ABHD2: variants seen among roughly 807,000 people sequenced by gnomAD.
The protein encoded by ABHD2 is abhydrolase domain containing 2, acylglycerol lipase, also known as monoacylglycerol lipase ABHD2.
ABHD2 carries 20 observed loss-of-function variants against 48.1 expected under a neutral mutation model. That is an observed-to-expected ratio of 0.42 (90% CI 0.29 to 0.60). The LOEUF (loss-of-function observed/expected upper bound fraction) is 0.60, where lower values mean the gene tolerates loss of function less well. Among genes scored for constraint, ABHD2 ranks in the 20% least tolerant of loss-of-function variants. ABHD2 has a pLI of 0.24. For synonymous variants in ABHD2, 209 were observed against 214.2 expected, an observed-to-expected ratio of 0.98 and a Z score of 0.21; for missense variants, 405 against 550.9, an observed-to-expected ratio of 0.74 and a Z score of 2.65.
Position 89,189,491 on chromosome 15 carries a change from C to G in ABHD2, c.926+1188C>G, listed in dbSNP as rs1171666088. 1.3e-5 allele frequency among the ~76,000 whole-genome samples: 2 copies of G among 152,202 alleles called. No homozygotes were observed. Among genetic ancestry groups the G allele is most frequent in the East Asian group, 1.9e-4 (1 of 5,200 alleles). On this transcript the variant is annotated intron_variant, in intron 8 of 10. Coordinates refer to ENST00000352732, the MANE Select transcript of ABHD2 (RefSeq NM_152924.5). This position sits in a 1 kb window ranked among gnomAD's most constrained non-coding sequence, Gnocchi z 4.9. ...CCAGCCTGGGCAACAGAGCAAGGCC[C>G]TGTCCCTAAAATATAAAAAATAAAT...
At chr15:89,142,416 G>A (rs1483970212) in intron 3 of ABHD2, among the ~76,000 whole-genome samples, 2 of 152,128 alleles carry the variant, frequency 1.3e-5, no homozygotes, top group African/African-American at 4.8e-5. Flanking sequence ...AGAGCTTGGG[G>A]GGACATCCTT....
At chr15:89,082,081 T>A in the ABHD2 span, among the ~76,000 whole-genome samples, 1 of 152,028 alleles carries the variant, frequency 6.6e-6, no homozygotes, top group East Asian at 1.9e-4. This position sits in a 1 kb window ranked among gnomAD's most constrained non-coding sequence, Gnocchi z 4.4. Context: ...CCACTAGAGG[T>A]CAACAGCACC....
At chr15:89,170,297 A>C (rs2050904956) in intron 5 of ABHD2, among the ~76,000 whole-genome samples, 1 of 151,252 alleles carries the variant, frequency 6.6e-6, no homozygotes, top group South Asian at 2.1e-4. Context: ...GGGTTTCACC[A>C]TGTTGGCCAG....
At chr15:89,154,744 TCA>T (rs1212949186) in intron 4 of ABHD2, among the ~76,000 whole-genome samples, 4 of 152,226 alleles carry the variant, frequency 2.6e-5, no homozygotes, top group Non-Finnish European at 5.9e-5. Context: ...TAATATTTCA[TCA>T]CTTAGATATG....
intron 3 of ABHD2, chr15:89,135,518 GAAA>G (rs949599712): frequency 8.4e-7 from 1 of 1,191,416 alleles, no homozygotes; most frequent in East Asian, 2.4e-5. Flanking sequence ...TTATAGACGA[GAAA>G]AAAAACTACA....
chr15:89,133,441 A>C lies in ABHD2; in HGVS notation c.194+16920A>C, dbSNP rs186252115. On this transcript the variant is annotated intron_variant, in intron 3 of 10. Transcript: ENST00000352732. ...TGGGTCAAAGGGGATGTGCATGGAA[A>C]ATTTTGCTAGCTGTTGTCCTCAAGC... is the stretch of plus-strand genomic sequence containing the variant. Among the ~76,000 whole-genome samples, 310 of 152,248 alleles carry C rather than the reference A, an allele frequency of 2.0e-3. 1 individual carries two copies. The highest frequency in any genetic ancestry group is 6.4e-3 in the Admixed American group (98 of 15,288).
chr15:89,111,886 A>G (rs2049880856), intron 1 of ABHD2, among the ~76,000 whole-genome samples: 1 of 152,200 alleles, frequency 6.6e-6, no homozygotes, highest in Admixed American at 6.5e-5. Context: ...ACATCTTGTT[A>G]TCCTATCAGC....
intron 5 of ABHD2, among the ~76,000 whole-genome samples, chr15:89,169,293 T>C (rs2150917880): frequency 6.6e-6 from 1 of 152,284 alleles, no homozygotes; most frequent in South Asian, 2.1e-4. Context: ...GACATGGCCC[T>C]ACTCATTATG....
chr15:89,171,644 C>G (rs1379988710), intron 5 of ABHD2, among the ~76,000 whole-genome samples: 1 of 152,138 alleles, frequency 6.6e-6, no homozygotes, highest in Admixed American at 6.5e-5. Flanking sequence ...CCAGGCTAAG[C>G]TTCCGAAAGG....
At chr15:89,055,232 A>G in the ABHD2 span, among the ~76,000 whole-genome samples, 2 of 151,820 alleles carry the variant, frequency 1.3e-5, no homozygotes, top group Non-Finnish European at 2.9e-5. Context: ...ATTGTTGGTA[A>G]TTTAGTTTGT....
At chr15:89,099,416 A>G (rs2049665042) in intron 1 of ABHD2, among the ~76,000 whole-genome samples, 1 of 152,100 alleles carries the variant, frequency 6.6e-6, no homozygotes, top group South Asian at 2.1e-4. Flanking sequence ...CCTGGAAAAC[A>G]TAGTGAGACT....
chr15:89,079,598 C>T, the ABHD2 span, among the ~76,000 whole-genome samples: 8 of 152,222 alleles, frequency 5.3e-5, no homozygotes, highest in African/African-American at 1.2e-4. This position sits in a 1 kb window ranked among gnomAD's most constrained non-coding sequence, Gnocchi z 4.3. Context: ...TGAACCCTCT[C>T]CCCAGTGAAA....
the ABHD2 span, among the ~76,000 whole-genome samples, chr15:89,053,414 C>G: frequency 6.6e-6 from 1 of 152,144 alleles, no homozygotes; most frequent in Admixed American, 6.5e-5. Flanking sequence ...ATAATCTCAC[C>G]ACCCTAGTAG....
the ABHD2 span, among the ~76,000 whole-genome samples, chr15:89,050,578 G>C: frequency 6.6e-6 from 1 of 152,212 alleles, no homozygotes; most frequent in East Asian, 1.9e-4. Context: ...CCCACATTGT[G>C]AGTCCTGGGG....
At chr15:89,135,023 C>T (rs2050280091) in intron 3 of ABHD2, among the ~76,000 whole-genome samples, 1 of 152,020 alleles carries the variant, frequency 6.6e-6, no homozygotes, top group Non-Finnish European at 1.5e-5. Context: ...TGTCAAATGT[C>T]AGCATTTTAA....
intron 1 of ABHD2, among the ~76,000 whole-genome samples, chr15:89,109,200 G>T (rs1205835995): frequency 6.6e-6 from 1 of 152,208 alleles, no homozygotes; most frequent in African/African-American, 2.4e-5. Context: ...CACAGCTCAG[G>T]CCTTCACCTC....
chr15:89,178,131 A>T (rs2051046953), intron 6 of ABHD2, among the ~76,000 whole-genome samples: 1 of 152,196 alleles, frequency 6.6e-6, no homozygotes, highest in Non-Finnish European at 1.5e-5. Flanking sequence ...AACAAAGAGC[A>T]AGTTGCAACT....
intron 3 of ABHD2, among the ~76,000 whole-genome samples, chr15:89,122,447 C>A (rs540695414): frequency 7.2e-5 from 11 of 152,196 alleles, no homozygotes; most frequent in Non-Finnish European, 2.9e-5. Flanking sequence ...TTTTGGCAGA[C>A]GCCATGTGTG....
intron 1 of ABHD2, among the ~76,000 whole-genome samples, chr15:89,096,159 C>T (rs1479634715): frequency 6.6e-6 from 1 of 151,152 alleles, no homozygotes; most frequent in African/African-American, 2.4e-5. Context: ...AGAACCTGCC[C>T]AGGCACAGGC....
Sources: allele counts gnomAD v4.1 joint callset (sites outside exome capture counted in the v4.1 genomes callset), GRCh38; gene constraint gnomAD v4.1.1; non-coding constraint Gnocchi (gnomAD v3.1); transcripts MANE v1.5; gene names NCBI Gene and HGNC (gene_info 2026-07-23, HGNC 2026-07-21).